MYO16: variants seen among roughly 807,000 people sequenced by gnomAD.
The protein encoded by MYO16 is unconventional myosin-XVI.
A neutral mutation model predicts 205.3 loss-of-function variants in MYO16; 94 were observed. The ratio of observed to expected loss-of-function variants is 0.46; its 90% CI spans 0.39 to 0.54. The LOEUF (loss-of-function observed/expected upper bound fraction) is 0.54, where lower values mean the gene tolerates loss of function less well. Among genes scored for constraint, MYO16 ranks in the 20% least tolerant of loss-of-function variants. MYO16 has a pLI of 0.00. For synonymous variants in MYO16, 988 were observed against 954.0 expected, an observed-to-expected ratio of 1.04 and a Z score of -0.66; for missense variants, 2,315 against 2,387.5, an observed-to-expected ratio of 0.97 and a Z score of 0.63.
chr13:108,502,674 A>G, the MYO16 span, among the ~76,000 whole-genome samples: 1 of 152,204 alleles, frequency 6.6e-6, no homozygotes, highest in African/African-American at 2.4e-5. Flanking sequence ...GAAATATTAA[A>G]TAATTTCTTT....
At chr13:109,100,669 G>A in intron 27 of MYO16, 116 bp from the exon 28 acceptor site, 2 of 726,932 alleles carry the variant, frequency 2.8e-6, no homozygotes, top group Non-Finnish European at 2.3e-6. Context: ...CTGTTCCTGG[G>A]ATAAAGAAAG....
intron 21 of MYO16, among the ~76,000 whole-genome samples, chr13:109,007,334 G>A (rs955816693): frequency 1.3e-5 from 2 of 151,842 alleles, no homozygotes; most frequent in Non-Finnish European, 2.9e-5. Context: ...CTTGCAGTGA[G>A]CCGAGATGGC....
chr13:108,854,475 A>C (rs1307355352), intron 10 of MYO16, among the ~76,000 whole-genome samples: 2 of 152,196 alleles, frequency 1.3e-5, no homozygotes, highest in Non-Finnish European at 2.9e-5. Flanking sequence ...TGATAAGCAG[A>C]AATATTTATG....
At chr13:109,176,538 C>G (rs1037105383) in intron 33 of MYO16, among the ~76,000 whole-genome samples, 3 of 115,844 alleles carry the variant, frequency 2.6e-5, no homozygotes, top group African/African-American at 1.0e-4. Flanking sequence ...TAAAAAGGTA[C>G]TGCTTCTAAT....
At chr13:109,177,008 T>TA (rs1747903286) in intron 33 of MYO16, among the ~76,000 whole-genome samples, 1 of 152,264 alleles carries the variant, frequency 6.6e-6, no homozygotes, top group Non-Finnish European at 1.5e-5. Context: ...CAGTGCTACC[T>TA]ATCGTCTCCA....
chr13:108,781,781 C>T (rs539361712), intron 4 of MYO16, among the ~76,000 whole-genome samples: 1 of 152,248 alleles, frequency 6.6e-6, no homozygotes, highest in African/African-American at 2.4e-5. Flanking sequence ...CCGGTCTTTC[C>T]TGTGCTGGTC....
the MYO16 span, among the ~76,000 whole-genome samples, chr13:108,571,369 G>A: frequency 1.3e-5 from 2 of 151,958 alleles, no homozygotes; most frequent in Non-Finnish European, 2.9e-5. Flanking sequence ...TAATACAAGT[G>A]GTGCTGAATT....
Position 108,807,990 on chromosome 13 carries a change from T to C in MYO16, c.867+1186T>C, listed in dbSNP as rs1475698617. Among the ~76,000 whole-genome samples the C allele has an allele frequency of 2.0e-5, 3 of 152,218 alleles. No individual in the cohort carries two copies. In the South Asian group the frequency reaches 6.2e-4, roughly 32 times the overall value. ...GTCTATTGCAATCTTTGGCTCTGCA[T>C]GTTGAGGGTGACTAAATGAAATCAG... On this transcript the variant is annotated intron_variant, in intron 7 of 34. Coordinates refer to ENST00000457511, the MANE Select transcript of MYO16 (RefSeq NM_001198950.3).
the MYO16 span, among the ~76,000 whole-genome samples, chr13:108,542,165 G>T: frequency 6.6e-6 from 1 of 152,126 alleles, no homozygotes; most frequent in African/African-American, 2.4e-5. Context: ...CATGCCATTT[G>T]CAGGAATGTG....
In MYO16 at chr13:108,666,458, G is replaced by A. The variant is rs545345489; in HGVS notation, c.292+309G>A. On this transcript the variant is annotated intron_variant, in intron 2 of 34. Coordinates refer to ENST00000457511, the MANE Select transcript of MYO16 (RefSeq NM_001198950.3). ...CCAATTGTTTAATTCTAATTGTTAGGGAAACTTTTTATCAATGAATTTTTT... is the reference window on the plus strand; with the variant it reads ...CCAATTGTTTAATTCTAATTGTTAGAGAAACTTTTTATCAATGAATTTTTT... 2.3e-4 allele frequency among the ~76,000 whole-genome samples: 35 copies of A among 151,924 alleles called. No individual in the cohort carries two copies. The East Asian group carries it at 5.8e-3, about 25-fold the overall frequency.
intron 12 of MYO16, among the ~76,000 whole-genome samples, chr13:108,869,731 T>TTA (rs1317454160): frequency 1.2e-4 from 8 of 67,028 alleles, no homozygotes; most frequent in African/African-American, 4.9e-4. Flanking sequence ...ACTCCGTTTC[T>TTA]AAAAAAAAAA....
At chr13:108,667,949 A>G (rs1471426482) in intron 2 of MYO16, among the ~76,000 whole-genome samples, 1 of 152,114 alleles carries the variant, frequency 6.6e-6, no homozygotes, top group Non-Finnish European at 1.5e-5. Flanking sequence ...TTGAGGTGAG[A>G]GGATTGTTTG....
chr13:108,651,819 A>G (rs964346759), intron 1 of MYO16, among the ~76,000 whole-genome samples: 3 of 152,234 alleles, frequency 2.0e-5, no homozygotes, highest in African/African-American at 7.2e-5. Flanking sequence ...TTTAGGGCAT[A>G]GCGTCTATAT....
At chr13:108,930,833 A>G (rs1306810975) in intron 16 of MYO16, among the ~76,000 whole-genome samples, 1 of 152,220 alleles carries the variant, frequency 6.6e-6, no homozygotes, top group Non-Finnish European at 1.5e-5. Context: ...ATGGGAAAGC[A>G]TTTGCTCTAT....
intron 27 of MYO16, among the ~76,000 whole-genome samples, chr13:109,067,354 TA>T (rs1887785114): frequency 4.6e-5 from 7 of 152,234 alleles, no homozygotes; most frequent in African/African-American, 1.7e-4. Flanking sequence ...TTAATCCTCA[TA>T]GCACTCGTGT....
intron 27 of MYO16, among the ~76,000 whole-genome samples, chr13:109,079,387 G>GTTTT (rs34736383): frequency 8.0e-4 from 120 of 150,456 alleles, no homozygotes; most frequent in African/African-American, 2.3e-3. Context: ...TACTGTATGG[G>GTTTT]TTTTTTTTTT....
the MYO16 span, among the ~76,000 whole-genome samples, chr13:108,582,602 TG>T: frequency 5.9e-5 from 9 of 152,296 alleles, no homozygotes; most frequent in South Asian, 1.9e-3. Flanking sequence ...AATTACCAAA[TG>T]GTCTTGTGTC....
chr13:109,090,166 G>T (rs1888574560), intron 27 of MYO16, among the ~76,000 whole-genome samples: 1 of 152,210 alleles, frequency 6.6e-6, no homozygotes, highest in Non-Finnish European at 1.5e-5. Flanking sequence ...CCCTGGAATT[G>T]TCATAGTGAT....
chr13:108,703,222 G>A (rs61969484), intron 2 of MYO16, among the ~76,000 whole-genome samples: 20,790 of 151,996 alleles, frequency 0.14, 1,657 homozygotes, highest in Non-Finnish European at 0.18. Context: ...AAAGTCAAAC[G>A]TGGGAAATCA....
Sources: allele counts gnomAD v4.1 joint callset (sites outside exome capture counted in the v4.1 genomes callset), GRCh38; gene constraint gnomAD v4.1.1; transcripts MANE v1.5; gene names NCBI Gene and HGNC (gene_info 2026-07-23, HGNC 2026-07-21).